The following ENTPD7 variants were observed in gnomAD, a reference collection of about 807,000 sequenced individuals.
ENTPD7 encodes NTPDase 7.
Under a neutral mutation model 77.9 loss-of-function variants are expected in ENTPD7, and 53 were observed. The observed-to-expected ratio is 0.68, with a 90% confidence interval of 0.55 to 0.85. The LOEUF is 0.85. Ranked by LOEUF, ENTPD7 falls within the 40% of genes least tolerant of loss-of-function variation. The pLI is 0.00. For missense variants in ENTPD7, 636 were observed against 743.7 expected (o/e 0.86, Z 1.68); for synonymous variants, 248 against 274.9 (o/e 0.90, Z 0.97).
rs748261749 is a variant in ENTPD7 at position 99,709,686 on chromosome 10, T to C, written c.*5003T>C. On this transcript the variant is annotated 3_prime_UTR_variant, in exon 13 of 13. Coordinates refer to ENST00000370489, the MANE Select transcript of ENTPD7 (RefSeq NM_020354.5). ...CTGTTTGGGTGTCCCATCTACCCTGTTTTCTGTTTCTGCAGATGGCTTGTT... is the reference window on the plus strand; with the variant it reads ...CTGTTTGGGTGTCCCATCTACCCTGCTTTCTGTTTCTGCAGATGGCTTGTT... 67 of 985,332 alleles carry C rather than the reference T, an allele frequency of 6.8e-5. No individual in the cohort carries two copies. The highest frequency in any genetic ancestry group is 8.0e-5 in the Non-Finnish European group (66 of 829,926). The allele number at this position is 985,332 out of a possible 1,614,324, so 61.0% of individuals were successfully genotyped here.
chr10:99,671,540 C>G (rs2035619117), intron 3 of ENTPD7, among the ~76,000 whole-genome samples: 1 of 152,134 alleles, frequency 6.6e-6, no homozygotes. Flanking sequence ...CCATTATAAT[C>G]TTATGGGACC....
intron 5 of ENTPD7, among the ~76,000 whole-genome samples, chr10:99,685,073 C>T (rs2035795395): frequency 6.6e-6 from 1 of 152,144 alleles, no homozygotes; most frequent in South Asian, 2.1e-4. Context: ...GCCTGACTAA[C>T]ATGGTGCAAC....
intron 3 of ENTPD7, among the ~76,000 whole-genome samples, chr10:99,675,243 CTG>C (rs2133453088): frequency 6.6e-6 from 1 of 151,994 alleles, no homozygotes; most frequent in African/African-American, 2.4e-5. Flanking sequence ...TTTTGGAAAA[CTG>C]TATCTGCCAC....
rs1011735842 is a variant in ENTPD7, at chr10:99,688,629, G to C, written c.653-65G>C. ...GAAAAAGAGGAAAGAGAAGCCCTAA[G>C]GGAGAGGTGTATACATGGCATAGCA... On this transcript the variant is annotated intron_variant, in intron 6 of 12. Transcript: ENST00000370489. 14 of 1,478,752 alleles carry C rather than the reference G, an allele frequency of 9.5e-6. No homozygotes were observed. The African/African-American group carries it at 1.8e-4, about 19-fold the overall frequency. The allele number at this position is 1,478,752 out of a possible 1,614,324, so 91.6% of individuals were successfully genotyped here. A position where few individuals can be genotyped will look rare whatever the true frequency, so the allele number is the denominator to read the frequency against.
chr10:99,677,657 G>A lies in ENTPD7; in HGVS notation c.192-1604G>A, dbSNP rs138845988. ...TGGCATAACAGGCGTGAGCCACTGC[G>A]CCCAGCCAAGTGCTCAGAAGTATTT... On this transcript the variant is annotated intron_variant, in intron 3 of 12. Coordinates refer to ENST00000370489, the MANE Select transcript of ENTPD7 (RefSeq NM_020354.5). 1.0e-3 allele frequency among the ~76,000 whole-genome samples: 159 copies of A among 152,258 alleles called. 2 individuals are homozygous for A. In the East Asian group the frequency reaches 0.025, roughly 24 times the overall value.
rs141383255 is a variant in ENTPD7 at position 99,682,132 on chromosome 10, T to C, written c.548+2257T>C. ...AACTTTAGAATTCATCCTCCTGGAA[T>C]GTTCATGGTCTCATAGGCATCAGGT... On this transcript the variant is annotated intron_variant, in intron 5 of 12. Transcript: ENST00000370489. 7.9e-5 allele frequency among the ~76,000 whole-genome samples: 12 copies of C among 152,296 alleles called. No individual in the cohort carries two copies. The East Asian group carries it at 1.5e-3, about 20-fold the overall frequency.
intron 12 of ENTPD7, 66 bp downstream of exon 12, chr10:99,702,739 G>A: frequency 2.1e-6 from 3 of 1,424,524 alleles, no homozygotes; most frequent in East Asian, 2.5e-5. Context: ...CTCAGAATCG[G>A]TTTCTTTCTT....
At chr10:99,673,893 ACT>A (rs1289559275) in intron 3 of ENTPD7, among the ~76,000 whole-genome samples, 1 of 152,104 alleles carries the variant, frequency 6.6e-6, no homozygotes, top group Non-Finnish European at 1.5e-5. Context: ...AACATGAGAA[ACT>A]CTGTGACAAT....
chr10:99,683,386 A>G (rs2133466106), intron 5 of ENTPD7, among the ~76,000 whole-genome samples: 1 of 152,342 alleles, frequency 6.6e-6, no homozygotes, highest in East Asian at 1.9e-4. Context: ...CTGGACTAAC[A>G]GAATTTTTTC....
In ENTPD7 at chr10:99,676,217, C is replaced by T. The variant is rs556785669; in HGVS notation, c.192-3044C>T. ...CTATTTTTTTGTTTTAGGAGATATG[C>T]TTATTTTTATAAAAATATATTTATA... On this transcript the variant is annotated intron_variant, in intron 3 of 12. Transcript: ENST00000370489. Among the ~76,000 whole-genome samples the T allele has an allele frequency of 1.1e-3, 167 of 151,750 alleles. 1 individual carries two copies. The highest frequency in any genetic ancestry group is 4.0e-3 in the African/African-American group (164 of 41,396).
chr10:99,704,562 T>C lies in ENTPD7; in HGVS notation c.1694T>C (p.Ile565Thr). The stretch of plus-strand genomic sequence containing the variant: ...TGTATCCTGGTGGTGCTACTGGCCA[T>C]CTTCCTATACCTTCTGCGGCTACGC... Reference protein sequence around the residue: ...FACILVVLLAIFLYLLRLRRI... With the variant: ...FACILVVLLATFLYLLRLRRI... Residue 565 changes from isoleucine (I) to threonine (T), a missense_variant, in exon 13 of 13, where the codon ATC (isoleucine) becomes ACC (threonine). Ile to Thr is a moderately conservative substitution (Grantham distance 89). Coordinates refer to ENST00000370489, the MANE Select transcript of ENTPD7 (RefSeq NM_020354.5). 1 of 1,614,192 alleles carries C rather than the reference T, an allele frequency of 6.2e-7. No individual in the cohort carries two copies. Among genetic ancestry groups the C allele is most frequent in the Non-Finnish European group, 8.5e-7 (1 of 1,180,026 alleles).
Position 99,704,807 on chromosome 10 carries a change from C to T in ENTPD7, c.*124C>T. 1 of 880,186 alleles carries T rather than the reference C, an allele frequency of 1.1e-6. No individual in the cohort carries two copies. The highest frequency in any genetic ancestry group is 1.7e-6 in the Non-Finnish European group (1 of 578,106). The allele number at this position is 880,186 out of a possible 1,614,324, so 54.5% of individuals were successfully genotyped here. On this transcript the variant is annotated 3_prime_UTR_variant, in exon 13 of 13. Transcript: ENST00000370489. ...TTGTGGATATTTGCCCTTGGAATTT[C>T]TACTTTACTTTCTACCGTAATTCCT...
intron 3 of ENTPD7, among the ~76,000 whole-genome samples, chr10:99,676,211 G>A (rs2035679310): frequency 6.6e-6 from 1 of 151,714 alleles, no homozygotes; most frequent in African/African-American, 2.4e-5. Context: ...TGTTTTAGGA[G>A]ATATGCTTAT....
In ENTPD7 at chr10:99,702,603, C is replaced by G. The variant is rs759476991; in HGVS notation, c.1513C>G (p.Leu505Val). Residue 505 changes from leucine to valine, a missense_variant, in exon 12 of 13, where the codon CTG becomes GTG. Physicochemically the swap from Leu to Val is conservative, Grantham distance 32. This residue lies in a region of ENTPD7 where 138 missense variants were observed against 150.9 expected (regional missense o/e 0.91). Transcript: ENST00000370489. ...CTACCCAAACCTGCGGACAGCCCAGCTGGTGTATGACCGAGAGGTTCAGTG... is the reference window on the plus strand; with the variant it reads ...CTACCCAAACCTGCGGACAGCCCAGGTGGTGTATGACCGAGAGGTTCAGTG... ...YDYPNLRTAQ[L>V]VYDREVQWTL... The G allele has an allele frequency of 1.5e-5, 25 of 1,613,832 alleles. No homozygotes were observed. The East Asian group carries it at 4.7e-4, about 30-fold the overall frequency.
chr10:99,708,864 G>C lies in ENTPD7; in HGVS notation c.*4181G>C, dbSNP rs1342281285. The C allele has an allele frequency of 1.0e-6, 1 of 985,220 alleles. No homozygotes were observed. Among genetic ancestry groups the C allele is most frequent in the Non-Finnish European group, 1.2e-6 (1 of 829,918 alleles). The allele number at this position is 985,220 out of a possible 1,614,324, so 61.0% of individuals were successfully genotyped here. ...AGCTACAATGAAATGCTCATTAACA[G>C]AATCTTTCTGCAAGTATAAACAGAA... On this transcript the variant is annotated 3_prime_UTR_variant, in exon 13 of 13. Coordinates refer to ENST00000370489, the MANE Select transcript of ENTPD7 (RefSeq NM_020354.5).
In ENTPD7 at chr10:99,707,753, T is replaced by C. The variant is rs1446022675; in HGVS notation, c.*3070T>C. The stretch of plus-strand genomic sequence containing the variant: ...GCACAATCCATCACTTTCCCCAAAA[T>C]TCTTGTCATAGAACATAATGAAAAA... On this transcript the variant is annotated 3_prime_UTR_variant, in exon 13 of 13. Coordinates refer to ENST00000370489, the MANE Select transcript of ENTPD7 (RefSeq NM_020354.5). Among the ~76,000 whole-genome samples, 2 of 152,230 alleles carry C rather than the reference T, an allele frequency of 1.3e-5. No homozygotes were observed. Among genetic ancestry groups the C allele is most frequent in the Non-Finnish European group, 2.9e-5 (2 of 68,030 alleles).
chr10:99,686,656 G>T (rs2035815296), intron 6 of ENTPD7, among the ~76,000 whole-genome samples: 2 of 151,872 alleles, frequency 1.3e-5, no homozygotes, highest in South Asian at 4.2e-4. Context: ...CATATTTCTT[G>T]GTTATATGGT....
Position 99,708,945 on chromosome 10 carries a change from C to T in ENTPD7, c.*4262C>T. ...TAACCATGCCCCATCTTTACAACTG[C>T]TTCTGACATTCATTTATGACTGCTT... On this transcript the variant is annotated 3_prime_UTR_variant, in exon 13 of 13. Coordinates refer to ENST00000370489, the MANE Select transcript of ENTPD7 (RefSeq NM_020354.5). 1.0e-6 allele frequency: 1 copy of T among 985,406 alleles called. No individual in the cohort carries two copies. Among genetic ancestry groups the T allele is most frequent in the Non-Finnish European group, 1.2e-6 (1 of 829,898 alleles). The allele number at this position is 985,406 out of a possible 1,614,324, so 61.0% of individuals were successfully genotyped here. A position where few individuals can be genotyped will look rare whatever the true frequency, so the allele number is the denominator to read the frequency against.
At position 99,706,279 on chromosome 10, in the gene ENTPD7, G is replaced by A. The variant is rs554679618; in HGVS notation, c.*1596G>A. On this transcript the variant is annotated 3_prime_UTR_variant, in exon 13 of 13. Coordinates refer to ENST00000370489, the MANE Select transcript of ENTPD7 (RefSeq NM_020354.5). ...TGGTTGGTAGATAAAAAGATGACCA[G>A]TCTTGTATTGTTTTAAAATTAGATA... is the stretch of plus-strand genomic sequence containing the variant. The A allele has an allele frequency of 2.6e-5, 4 of 151,824 alleles. No individual in the cohort carries two copies. Among genetic ancestry groups the A allele is most frequent in the Admixed American group, 6.6e-5 (1 of 15,252 alleles). 9.4% of individuals were successfully genotyped at this position (151,824 alleles called of 1,614,324 possible).
Sources: gnomAD v4.1 joint callset for allele counts (sites outside exome capture counted in the v4.1 genomes callset) on GRCh38, gnomAD v4.1.1 for gene constraint, gnomAD v4.1.1 regional missense constraint, MANE v1.5 for transcripts, NCBI Gene and HGNC (gene_info 2026-07-23, HGNC 2026-07-21) for gene names.